Variants in GHRH observed in about 807,000 individuals in gnomAD.
GHRH encodes somatoliberin.
In GHRH, 7 loss-of-function variants were observed where a neutral mutation model predicts 15.6. The observed-to-expected ratio is 0.45, with a 90% CI of 0.26 to 0.84. The LOEUF is 0.84. Ranked by LOEUF, GHRH falls within the 40% of genes least tolerant of loss-of-function variation. GHRH has a pLI of 0.18. For synonymous variants in GHRH, 54 were observed against 50.4 expected (o/e 1.07, Z -0.30); for missense variants, 117 against 138.0 (o/e 0.85, Z 0.76).
At position 37,256,814 on chromosome 20, in the gene GHRH, T is replaced by A; in HGVS notation, c.76A>T (p.Thr26Ser). ...SSHCSPPPPL[T>S]LRMRRYADAI... ...TCCCCAGGGTCTGCTTACCTGAGGG[T>A]CAAAGGGGGAGGTGGGGAGCAGTGG... The change falls in exon 2 of 5, where the codon ACC becomes TCC. Residue 26 changes from threonine to serine, a missense_variant. Transcript: ENST00000373614. 2 of 1,611,532 alleles carry A rather than the reference T, an allele frequency of 1.2e-6. No homozygotes were observed. The highest frequency in any genetic ancestry group is 1.7e-6 in the Non-Finnish European group (2 of 1,178,868).
chr20:37,260,383 C>T (rs866241947), intron 1 of GHRH, among the ~76,000 whole-genome samples: 3 of 147,962 alleles, frequency 2.0e-5, no homozygotes, highest in Non-Finnish European at 3.0e-5. Context: ...AGCAACATGG[C>T]GAGACCCCAT....
rs1451031186 is a variant in GHRH, at chr20:37,258,637, C to T, written c.-19-1729G>A. Among the ~76,000 whole-genome samples, 2 of 152,354 alleles carry T rather than the reference C, an allele frequency of 1.3e-5. No homozygotes were observed. Among genetic ancestry groups the T allele is most frequent in the South Asian group, 2.1e-4 (1 of 4,832 alleles). ...CCATGACATGAGCATCCCCACAACA[C>T]GCACACTGGCTGTCCTCCACTTCCT... On this transcript the variant is annotated intron_variant, in intron 1 of 4. Coordinates refer to ENST00000373614, the MANE Select transcript of GHRH (RefSeq NM_021081.6). This position sits in a 1 kb window ranked among gnomAD's most constrained non-coding sequence, Gnocchi z 4.1.
In GHRH at chr20:37,253,806, A is replaced by G. The variant is rs564156484; in HGVS notation, c.308+404T>C. Among the ~76,000 whole-genome samples the G allele has an allele frequency of 7.2e-4, 110 of 152,148 alleles. 1 individual carries two copies. In the South Asian group the frequency reaches 0.023, roughly 31 times the overall value. ...TGCTCTGTCACCCAGGCTGGAGTGT[A>G]ATGGTGCGATCTCAGCTCACTGCAA... On this transcript the variant is annotated intron_variant, in intron 4 of 4. Coordinates refer to ENST00000373614, the MANE Select transcript of GHRH (RefSeq NM_021081.6).
chr20:37,257,572 G>A (rs2068664932), intron 1 of GHRH, among the ~76,000 whole-genome samples: 1 of 151,902 alleles, frequency 6.6e-6, no homozygotes, highest in Middle Eastern at 3.2e-3. Flanking sequence ...AGCAAGGAAT[G>A]GGGAAGGTCA....
chr20:37,261,406 A>T (rs890378387), intron 1 of GHRH, among the ~76,000 whole-genome samples: 2 of 152,218 alleles, frequency 1.3e-5, no homozygotes, highest in Non-Finnish European at 2.9e-5. Flanking sequence ...GCAGAATCCC[A>T]TCGCTGACAG....
Position 37,261,754 on chromosome 20 carries a change from G to C in GHRH, c.-31C>G, listed in dbSNP as rs2068688952. 6.6e-6 allele frequency: 1 copy of C among 152,238 alleles called. No individual in the cohort carries two copies. The highest frequency in any genetic ancestry group is 2.1e-4 in the South Asian group (1 of 4,830). The allele number at this position is 152,238 out of a possible 1,614,324, so 9.4% of individuals were successfully genotyped here. A position where few individuals can be genotyped will look rare whatever the true frequency, so the allele number is the denominator to read the frequency against. On this transcript the variant is annotated 5_prime_UTR_variant, in exon 1 of 5. In the 5' UTR this introduces an upstream ATG that the reference lacks. Transcript: ENST00000373614. ...GCCACCCCTCTCACCTGATGCGGCA[G>C]ATATCCCTCTGCTCCGAGGCACTGC...
rs2068618483 is a variant in GHRH, at chr20:37,251,116, A to G, written c.*97T>C. The G allele has an allele frequency of 6.5e-6, 5 of 772,572 alleles. No individual in the cohort carries two copies. The highest frequency in any genetic ancestry group is 1.0e-5 in the Non-Finnish European group (5 of 480,848). The allele number at this position is 772,572 out of a possible 1,614,324, so 47.9% of individuals were successfully genotyped here. On this transcript the variant is annotated 3_prime_UTR_variant, in exon 5 of 5. Transcript: ENST00000373614. ...ATGCACACCGGTATGGGGGAATTTT[A>G]TTGTATTTTCAAAGGAAAAAGTGGG...
At chr20:37,251,719 T>G (rs1280035611) in intron 4 of GHRH, among the ~76,000 whole-genome samples, 1 of 151,992 alleles carries the variant, frequency 6.6e-6, no homozygotes, top group African/African-American at 2.4e-5. Flanking sequence ...TTTACAGGGG[T>G]GGGAAGATGG....
chr20:37,257,949 C>CT (rs2068666653), intron 1 of GHRH, among the ~76,000 whole-genome samples: 1 of 152,248 alleles, frequency 6.6e-6, no homozygotes, highest in South Asian at 2.1e-4. Context: ...GAGAAGGGCT[C>CT]TAAGTCTTGC....
rs6032446 is a variant in GHRH at position 37,257,135 on chromosome 20, G to A, written c.-19-227C>T. On this transcript the variant is annotated intron_variant, in intron 1 of 4. Coordinates refer to ENST00000373614, the MANE Select transcript of GHRH (RefSeq NM_021081.6). ...CATTTTCTCCATCTGTAGAATGGGC[G>A]TGATGGAGCTCCCCTGCCAACCACA... Among the ~76,000 whole-genome samples, 251 of 152,312 alleles carry A rather than the reference G, an allele frequency of 1.6e-3. 2 individuals are homozygous for A. The highest frequency in any genetic ancestry group is 5.8e-3 in the African/African-American group (241 of 41,574).
At chr20:37,256,335 C>T in intron 3 of GHRH, 59 bp downstream of exon 3, 1 of 1,100,834 alleles carries the variant, frequency 9.1e-7, no homozygotes, top group South Asian at 1.4e-5. Context: ...CTGTAGGGAA[C>T]AAGCTCCTGC....
At chr20:37,254,388 G>A (rs767102250) in intron 3 of GHRH, 59 bp from the exon 4 acceptor site, 97 of 1,580,710 alleles carry the variant, frequency 6.1e-5, no homozygotes, top group Non-Finnish European at 8.3e-5. Flanking sequence ...AAAGGCAGGG[G>A]TATATCCCTA....
chr20:37,253,981 C>T (rs1569011519), intron 4 of GHRH, among the ~76,000 whole-genome samples: 1 of 152,204 alleles, frequency 6.6e-6, no homozygotes, highest in African/African-American at 2.4e-5. Context: ...GAACTCCCGA[C>T]CTCAGATGAT....
chr20:37,256,714 C>A, intron 2 of GHRH, 93 bp downstream of exon 2: 1 of 1,020,948 alleles, frequency 9.8e-7, no homozygotes, highest in Non-Finnish European at 1.5e-6. Context: ...ATAGCCAGGG[C>A]CCAGCTGATG....
At chr20:37,260,211 C>T (rs2068680433) in intron 1 of GHRH, among the ~76,000 whole-genome samples, 1 of 152,122 alleles carries the variant, frequency 6.6e-6, no homozygotes, top group Non-Finnish European at 1.5e-5. Flanking sequence ...TCCTGTGCCC[C>T]AGGCATAGGT....
Position 37,251,241 on chromosome 20 carries a change from G to C in GHRH, c.309-10C>G. On this transcript the variant is annotated splice_polypyrimidine_tract_variant and intron_variant, in intron 4 of 4. Transcript: ENST00000373614. ...TCCCTGGGAGTTCCTGCTGCAGAAAGAAAGATCAAGCTCAATCCGGGGAAT... is the reference window on the plus strand; with the variant it reads ...TCCCTGGGAGTTCCTGCTGCAGAAACAAAGATCAAGCTCAATCCGGGGAAT... 1 of 1,601,126 alleles carries C rather than the reference G, an allele frequency of 6.2e-7. No individual in the cohort carries two copies. Among genetic ancestry groups the C allele is most frequent in the Non-Finnish European group, 8.5e-7 (1 of 1,174,330 alleles).
In GHRH at chr20:37,256,857, G is replaced by A. The variant is rs563861654; in HGVS notation, c.33C>T (p.Leu11=). MPLWVFFFVI[L]TLSNSSHCSP... The stretch of plus-strand genomic sequence containing the variant: ...AGCAGTGGGAGCTGTTGCTGAGGGT[G>A]AGGATCACAAAGAAGAACACCCAGA... Residue 11 remains leucine, a synonymous_variant, in exon 2 of 5, where the codon CTC becomes CTT. Transcript: ENST00000373614. 5.6e-6 allele frequency: 9 copies of A among 1,613,038 alleles called. No homozygotes were observed. Among genetic ancestry groups the A allele is most frequent in the Middle Eastern group, 1.7e-4 (1 of 6,056 alleles).
At chr20:37,254,386 G>T in intron 3 of GHRH, 57 bp from the exon 4 acceptor site, 1 of 1,577,138 alleles carries the variant, frequency 6.3e-7, no homozygotes, top group Non-Finnish European at 8.7e-7. Flanking sequence ...GGAAAGGCAG[G>T]GGTATATCCC....
intron 3 of GHRH, among the ~76,000 whole-genome samples, chr20:37,256,178 T>C (rs1242480353): frequency 2.0e-5 from 3 of 152,178 alleles, no homozygotes; most frequent in Non-Finnish European, 4.4e-5. Flanking sequence ...CTACTACCAG[T>C]GTTGTTACTG....
Sources: allele counts gnomAD v4.1 joint callset (sites outside exome capture counted in the v4.1 genomes callset), GRCh38; gene constraint gnomAD v4.1.1; non-coding constraint Gnocchi (gnomAD v3.1); transcripts MANE v1.5; gene names NCBI Gene and HGNC (gene_info 2026-07-23, HGNC 2026-07-21).